Variants in CA10 observed in about 807,000 individuals in gnomAD.
CA10 encodes the protein carbonic anhydrase 10 (inactive), also known as carbonic anhydrase-related protein 10.
A neutral mutation model predicts 44.2 loss-of-function variants in CA10; 14 were observed. That is an observed-to-expected ratio of 0.32 (90% confidence interval 0.21 to 0.50). The LOEUF (loss-of-function observed/expected upper bound fraction) is 0.50, where lower values mean the gene tolerates loss of function less well. CA10 is among the 20% of genes least tolerant of loss of function. The pLI is 0.99. For missense variants in CA10, 350 were observed against 409.7 expected, an observed-to-expected ratio of 0.85 and a Z score of 1.26; for synonymous variants, 159 against 141.6, an observed-to-expected ratio of 1.12 and a Z score of -0.87.
chr17:51,793,995 A>T (rs1567841599), intron 3 of CA10, among the ~76,000 whole-genome samples: 2 of 152,176 alleles, frequency 1.3e-5, no homozygotes, highest in Admixed American at 6.6e-5. Flanking sequence ...TGACTGTGGG[A>T]CCCACCTCTG....
At position 52,107,048 on chromosome 17, in the gene CA10, T is replaced by G. The variant is rs988988145; in HGVS notation, c.62-34655A>C. Among the ~76,000 whole-genome samples, 5 of 152,154 alleles carry G rather than the reference T, an allele frequency of 3.3e-5. 1 individual carries two copies. Among genetic ancestry groups the G allele is most frequent in the Non-Finnish European group, 7.4e-5 (5 of 68,022 alleles). On this transcript the variant is annotated intron_variant, in intron 1 of 8. Transcript: ENST00000451037. ...CTGAAAGATCTTTCGATTCCATATA[T>G]TTGATAATTTAAGAAGAACCATGAC...
chr17:52,015,790 C>T (rs1985949949), intron 2 of CA10, among the ~76,000 whole-genome samples: 1 of 152,124 alleles, frequency 6.6e-6, no homozygotes, highest in Non-Finnish European at 1.5e-5. Flanking sequence ...TACCTAAGAA[C>T]ATCCACTGTT....
chr17:51,892,082 C>T (rs1241205436), intron 3 of CA10, among the ~76,000 whole-genome samples: 4 of 152,206 alleles, frequency 2.6e-5, no homozygotes, highest in Admixed American at 2.6e-4. Context: ...GGGAATAAAA[C>T]ACTGCTTGAT....
At chr17:52,081,444 C>T (rs1987973125) in intron 1 of CA10, among the ~76,000 whole-genome samples, 1 of 151,912 alleles carries the variant, frequency 6.6e-6, no homozygotes, top group African/African-American at 2.4e-5. Context: ...AAGTAGCGGC[C>T]CAAGAGAAAG....
At position 51,937,293 on chromosome 17, in the gene CA10, T is replaced by C. The variant is rs190136810; in HGVS notation, c.137-6161A>G. Among the ~76,000 whole-genome samples, 4 of 152,310 alleles carry C rather than the reference T, an allele frequency of 2.6e-5. No homozygotes were observed. The East Asian group carries it at 5.8e-4, about 22-fold the overall frequency. On this transcript the variant is annotated intron_variant, in intron 2 of 8. Coordinates refer to ENST00000451037, the MANE Select transcript of CA10 (RefSeq NM_020178.5). The stretch of plus-strand genomic sequence containing the variant: ...TTTCCTCACCAATCCTGATTTACTG[T>C]CTCTTCCTCTCTTCTCAACTGTAAT...
chr17:51,771,410 C>T (rs1124282), intron 3 of CA10, among the ~76,000 whole-genome samples: 98,375 of 151,956 alleles, frequency 0.65, 31,949 homozygotes, highest in East Asian at 0.73. Flanking sequence ...GTGATAAAAT[C>T]AGGTCACCAA....
Position 51,909,338 on chromosome 17 carries a change from A to G in CA10, c.279+21652T>C, listed in dbSNP as rs529157641. Among the ~76,000 whole-genome samples the G allele has an allele frequency of 4.6e-5, 7 of 152,302 alleles. No homozygotes were observed. In the East Asian group the frequency reaches 1.4e-3, roughly 29 times the overall value. ...AACTGGAGGTCAGGCTTGCAGAATT[A>G]GTCACTATTTATCTGAAGACCGAGA... On this transcript the variant is annotated intron_variant, in intron 3 of 8. Coordinates refer to ENST00000451037, the MANE Select transcript of CA10 (RefSeq NM_020178.5).
intron 3 of CA10, among the ~76,000 whole-genome samples, chr17:51,785,788 G>T (rs1906247871): frequency 6.6e-6 from 1 of 152,012 alleles, no homozygotes; most frequent in African/African-American, 2.4e-5. Context: ...GGCTATTTTG[G>T]GTCTTTTATG....
chr17:51,766,458 G>T (rs1446509577), intron 3 of CA10, among the ~76,000 whole-genome samples: 1 of 152,112 alleles, frequency 6.6e-6, no homozygotes, highest in Non-Finnish European at 1.5e-5. Flanking sequence ...AACATAGTAG[G>T]AGAAAGGACA....
chr17:52,136,509 A>G (rs1343723888), intron 1 of CA10, among the ~76,000 whole-genome samples: 1 of 152,158 alleles, frequency 6.6e-6, no homozygotes, highest in Non-Finnish European at 1.5e-5. Flanking sequence ...CATGGCCCCT[A>G]GCTTCACGGT....
intron 3 of CA10, among the ~76,000 whole-genome samples, chr17:51,928,831 A>G (rs760321759): frequency 3.3e-5 from 5 of 152,202 alleles, no homozygotes; most frequent in Non-Finnish European, 7.4e-5. Flanking sequence ...ATGTGATACA[A>G]ACATGATTTA....
At chr17:52,092,626 C>T (rs1472803024) in intron 1 of CA10, among the ~76,000 whole-genome samples, 5 of 152,144 alleles carry the variant, frequency 3.3e-5, no homozygotes, top group Non-Finnish European at 7.4e-5. Context: ...GCAGAGCAAC[C>T]AGCCCTCCAT....
At chr17:51,868,931 G>A (rs1011661462) in intron 3 of CA10, among the ~76,000 whole-genome samples, 2 of 150,326 alleles carry the variant, frequency 1.3e-5, no homozygotes, top group Non-Finnish European at 3.0e-5. Context: ...AAGGTGACAT[G>A]CACACACAAG....
chr17:51,860,141 A>G (rs1406870848), intron 3 of CA10, among the ~76,000 whole-genome samples: 7 of 152,126 alleles, frequency 4.6e-5, no homozygotes, highest in African/African-American at 1.7e-4. Flanking sequence ...TCCAAATCTC[A>G]TTCCTGGAAA....
At chr17:51,912,486 T>C (rs1300651918) in intron 3 of CA10, among the ~76,000 whole-genome samples, 1 of 152,036 alleles carries the variant, frequency 6.6e-6, no homozygotes, top group African/African-American at 2.4e-5. Flanking sequence ...CAAATGGCAA[T>C]GAAAAAGAAA....
intron 3 of CA10, among the ~76,000 whole-genome samples, chr17:51,901,689 G>A (rs937246712): frequency 5.9e-5 from 9 of 152,104 alleles, no homozygotes; most frequent in African/African-American, 2.2e-4. Flanking sequence ...TCTAGTCTGG[G>A]TGACAGAGTG....
At chr17:51,690,280 A>G (rs1915148746) in intron 4 of CA10, among the ~76,000 whole-genome samples, 1 of 152,214 alleles carries the variant, frequency 6.6e-6, no homozygotes, top group African/African-American at 2.4e-5. Context: ...ACCACAATAC[A>G]TTGCTATTAA....
chr17:51,864,002 T>C (rs1979431776), intron 3 of CA10, among the ~76,000 whole-genome samples: 1 of 152,078 alleles, frequency 6.6e-6, no homozygotes. Context: ...TCCCCATGGG[T>C]TAATATTAGG....
At chr17:51,923,154 A>C (rs1982296462) in intron 3 of CA10, among the ~76,000 whole-genome samples, 1 of 152,236 alleles carries the variant, frequency 6.6e-6, no homozygotes, top group South Asian at 2.1e-4. Context: ...ATTGAGTTTT[A>C]AATGGGTAAG....
Sources: gnomAD v4.1 joint callset for allele counts (sites outside exome capture counted in the v4.1 genomes callset) on GRCh38, gnomAD v4.1.1 for gene constraint, MANE v1.5 for transcripts, NCBI Gene and HGNC (gene_info 2026-07-23, HGNC 2026-07-21) for gene names.